Variants in TRIM2 observed in about 807,000 individuals in gnomAD.
The protein encoded by TRIM2 is tripartite motif containing 2, also known as tripartite motif-containing protein 2.
TRIM2 carries 20 observed loss-of-function variants against 75.2 expected under a neutral mutation model. That is an observed-to-expected ratio of 0.27 (90% CI 0.19 to 0.39). TRIM2 has a LOEUF of 0.39. Among genes scored for constraint, TRIM2 ranks in the 10% least tolerant of loss-of-function variants. TRIM2 has a pLI of 1.00. For synonymous variants in TRIM2, 373 were observed against 388.3 expected (o/e 0.96, Z 0.46); for missense variants, 660 against 990.8 (o/e 0.67, Z 4.48).
In TRIM2 at chr4:153,204,448, C is replaced by T; in HGVS notation, c.-83C>T. 6.6e-7 allele frequency: 1 copy of T among 1,507,952 alleles called. No individual in the cohort carries two copies. The highest frequency in any genetic ancestry group is 9.0e-7 in the Non-Finnish European group (1 of 1,107,802). 93.4% of individuals were successfully genotyped at this position (1,507,952 alleles called of 1,614,324 possible). ...TAAGGGCCACCCTTTAACTCGGCAG[C>T]TTGATGACTATAATGGGCCCAGTTG... On this transcript the variant is annotated 5_prime_UTR_variant, in exon 1 of 12. Coordinates refer to ENST00000338700, the MANE Select transcript of TRIM2 (RefSeq NM_015271.5).
Position 153,204,494 on chromosome 4 carries a change from A to G in TRIM2, c.-37A>G, listed in dbSNP as rs2149685701. 1 of 1,551,568 alleles carries G rather than the reference A, an allele frequency of 6.4e-7. No homozygotes were observed. The highest frequency in any genetic ancestry group is 8.7e-7 in the Non-Finnish European group (1 of 1,146,908). On this transcript the variant is annotated 5_prime_UTR_variant, in exon 1 of 12. Coordinates refer to ENST00000338700, the MANE Select transcript of TRIM2 (RefSeq NM_015271.5). ...AGTTGTCTGCGGGCTGCGGGGAGCTAAGTCCCCAGATTGGAGGAGGCTGGC... is the reference window on the plus strand; with the variant it reads ...AGTTGTCTGCGGGCTGCGGGGAGCTGAGTCCCCAGATTGGAGGAGGCTGGC...
Position 153,338,500 on chromosome 4 carries a change from T to A in TRIM2, c.*3534T>A. ...AAAGTGAAAGTGGTAATACTGTTGG[T>A]TTCTGTAAATGTTGCAGGGTTTTAA... On this transcript the variant is annotated 3_prime_UTR_variant, in exon 12 of 12. Transcript: ENST00000338700. 1.0e-6 allele frequency: 1 copy of A among 985,258 alleles called. No individual in the cohort carries two copies. The allele number at this position is 985,258 out of a possible 1,614,324, so 61.0% of individuals were successfully genotyped here.
chr4:153,258,507 G>A (rs1367351334), intron 1 of TRIM2, among the ~76,000 whole-genome samples: 1 of 152,052 alleles, frequency 6.6e-6, no homozygotes, highest in Non-Finnish European at 1.5e-5. Context: ...GCCCCACCCT[G>A]ACATTATTCC....
At chr4:153,193,807 TGGGCAA>T in intron 1 of TRIM2, among the ~76,000 whole-genome samples, 1 of 151,928 alleles carries the variant, frequency 6.6e-6, no homozygotes, top group Non-Finnish European at 1.5e-5. Flanking sequence ...GAGAGCTTTC[TGGGCAA>T]GGTGAATTGA....
chr4:153,204,079 T>A (rs866503310), upstream of TRIM2, among the ~76,000 whole-genome samples: 1 of 152,200 alleles, frequency 6.6e-6, no homozygotes, highest in South Asian at 2.1e-4. Context: ...AATACCACAT[T>A]TATTAACCCC....
upstream of TRIM2, among the ~76,000 whole-genome samples, chr4:153,202,258 C>G (rs533087939): frequency 1.1e-4 from 16 of 152,320 alleles, no homozygotes; most frequent in African/African-American, 3.4e-4. Flanking sequence ...ATTTTGATAA[C>G]TACTATATCA....
intron 1 of TRIM2, among the ~76,000 whole-genome samples, chr4:153,180,738 G>A (rs567195088): frequency 3.3e-5 from 5 of 152,052 alleles, no homozygotes; most frequent in Non-Finnish European, 5.9e-5. Flanking sequence ...TCAGCCTCCC[G>A]AAGTGCTGGG....
chr4:153,235,007 TC>T (rs1352394062), intron 1 of TRIM2, among the ~76,000 whole-genome samples: 2 of 152,178 alleles, frequency 1.3e-5, no homozygotes, highest in Admixed American at 1.3e-4. Flanking sequence ...ATGTGGTGCT[TC>T]CAAACTGCTT....
chr4:153,154,301 T>G (rs1729018824), intron 1 of TRIM2, among the ~76,000 whole-genome samples: 2 of 152,182 alleles, frequency 1.3e-5, no homozygotes, highest in African/African-American at 4.8e-5. Flanking sequence ...GGTTTCTTGA[T>G]GTGGTGTCTG....
intron 11 of TRIM2, among the ~76,000 whole-genome samples, chr4:153,329,312 A>G (rs1770925220): frequency 6.6e-6 from 1 of 152,054 alleles, no homozygotes; most frequent in Admixed American, 6.5e-5. Context: ...ATGACCCTTG[A>G]GTCAAAGAGG....
At chr4:153,314,710 A>G (rs1579635823) in intron 6 of TRIM2, among the ~76,000 whole-genome samples, 1 of 152,218 alleles carries the variant, frequency 6.6e-6, no homozygotes, top group East Asian at 1.9e-4. Context: ...TTATAATTTC[A>G]GGAAGAATAT....
chr4:153,315,292 A>G (rs1370251216), intron 6 of TRIM2, among the ~76,000 whole-genome samples, 193 bp from the exon 7 acceptor site: 1 of 152,230 alleles, frequency 6.6e-6, no homozygotes, highest in South Asian at 2.1e-4. Flanking sequence ...GATTTTGCAG[A>G]GACTGTTGTC....
intron 9 of TRIM2, 43 bp from the exon 10 acceptor site, chr4:153,324,035 T>A: frequency 6.6e-7 from 1 of 1,524,304 alleles, no homozygotes. Flanking sequence ...ATGTAATCAC[T>A]TTTGTTGTAG....
intron 2 of TRIM2, among the ~76,000 whole-genome samples, chr4:153,271,986 C>T (rs980407799): frequency 2.0e-5 from 3 of 152,128 alleles, no homozygotes; most frequent in Admixed American, 6.5e-5. Context: ...TAGGTCTGCC[C>T]CTGCTATCTT....
At chr4:153,264,817 G>T (rs9991786) in intron 1 of TRIM2, among the ~76,000 whole-genome samples, 87,444 of 151,960 alleles carry the variant, frequency 0.58, 25,474 homozygotes, top group Middle Eastern at 0.62. Flanking sequence ...CATTATCCTG[G>T]CAAATCTGGG....
intron 3 of TRIM2, 66 bp downstream of exon 3, chr4:153,276,196 G>A: frequency 7.6e-7 from 1 of 1,313,844 alleles, no homozygotes; most frequent in Non-Finnish European, 1.1e-6. Context: ...GAGGCTTTGG[G>A]TACATCAGAG....
intron 3 of TRIM2, among the ~76,000 whole-genome samples, chr4:153,284,929 A>T (rs887279359): frequency 8.5e-5 from 13 of 152,170 alleles, no homozygotes; most frequent in African/African-American, 3.1e-4. Context: ...TTGATTCAAA[A>T]ATACTTTTAA....
Position 153,204,576 on chromosome 4 carries a change from A to T in TRIM2, c.30+16A>T. 4 of 1,551,664 alleles carry T rather than the reference A, an allele frequency of 2.6e-6. No homozygotes were observed. Among genetic ancestry groups the T allele is most frequent in the Non-Finnish European group, 3.5e-6 (4 of 1,146,976 alleles). ...TGGAACGCAGGTAAGGACGCTTCTCAATGTGGGATAATTCTTTTTCTGGGC... is the reference window on the plus strand; with the variant it reads ...TGGAACGCAGGTAAGGACGCTTCTCTATGTGGGATAATTCTTTTTCTGGGC... On this transcript the variant is annotated intron_variant, in intron 1 of 11. Coordinates refer to ENST00000338700, the MANE Select transcript of TRIM2 (RefSeq NM_015271.5).
chr4:153,183,886 TAGTC>T (rs1232578244), intron 1 of TRIM2, among the ~76,000 whole-genome samples: 13 of 152,322 alleles, frequency 8.5e-5, no homozygotes, highest in Admixed American at 4.6e-4. Context: ...CTCCTCTACT[TAGTC>T]AGTCTTAAAC....
Sources: gnomAD v4.1 joint callset for allele counts (sites outside exome capture counted in the v4.1 genomes callset) on GRCh38, gnomAD v4.1.1 for gene constraint, MANE v1.5 for transcripts, NCBI Gene and HGNC (gene_info 2026-07-23, HGNC 2026-07-21) for gene names.